Variants in MTF1 observed in about 807,000 individuals in gnomAD.
The protein encoded by MTF1 is metal regulatory transcription factor 1.
In MTF1, 22 loss-of-function variants were observed where a neutral mutation model predicts 70.4. The ratio of observed to expected loss-of-function variants is 0.31; its 90% CI spans 0.22 to 0.45. The LOEUF (loss-of-function observed/expected upper bound fraction) is 0.45. MTF1 is among the 20% of genes least tolerant of loss of function. The pLI, the probability that MTF1 is intolerant of heterozygous loss-of-function variation, is 1.00. For missense variants in MTF1, 649 were observed against 922.0 expected (o/e 0.70, Z 3.83); for synonymous variants, 333 against 352.8 (o/e 0.94, Z 0.63).
intron 7 of MTF1, chr1:37,828,215 G>C: frequency 2.5e-6 from 1 of 401,612 alleles, no homozygotes; most frequent in Non-Finnish European, 4.9e-6. Context: ...GTTGTTGTAA[G>C]TCAGAATAGT....
intron 2 of MTF1, among the ~76,000 whole-genome samples, chr1:37,845,764 C>A (rs1426345239): frequency 1.3e-5 from 2 of 152,096 alleles, no homozygotes; most frequent in African/African-American, 2.4e-5. Context: ...CCTCAGCCTC[C>A]CAGAGTATTG....
intron 9 of MTF1, among the ~76,000 whole-genome samples, chr1:37,821,285 C>T (rs1424685685): frequency 6.6e-6 from 1 of 151,748 alleles, no homozygotes. Context: ...AAATAATGTA[C>T]GTAGGTAATA....
At chr1:37,854,877 T>C (rs538308835) in intron 2 of MTF1, among the ~76,000 whole-genome samples, 15 of 152,180 alleles carry the variant, frequency 9.9e-5, no homozygotes, top group African/African-American at 3.4e-4. Context: ...CTGACCAACA[T>C]GGAGAAACCC....
chr1:37,854,361 A>G (rs1365888310), intron 2 of MTF1, among the ~76,000 whole-genome samples: 1 of 152,284 alleles, frequency 6.6e-6, no homozygotes, highest in East Asian at 1.9e-4. Flanking sequence ...CATTTTTGTT[A>G]GATCTGACAG....
chr1:37,845,961 T>C (rs910042340), intron 2 of MTF1, among the ~76,000 whole-genome samples: 2 of 152,104 alleles, frequency 1.3e-5, no homozygotes, highest in Non-Finnish European at 2.9e-5. Flanking sequence ...CATTTTAAAA[T>C]AGCACAAAAT....
chr1:37,835,825 G>A (rs191498481), intron 4 of MTF1, 81 bp from the exon 5 acceptor site: 6 of 1,196,332 alleles, frequency 5.0e-6, no homozygotes, highest in East Asian at 2.4e-5. Flanking sequence ...TTTTGAGATC[G>A]AGTCTCGCTC....
At position 37,828,956 on chromosome 1, in the gene MTF1, A is replaced by G. The variant is rs75568693; in HGVS notation, c.1068+3289T>C. ...GGAGCTGAGCAGCCAAAAGGCTTCG[A>G]GAAGGCCATTCCCTAGCACCTTCAA... On this transcript the variant is annotated intron_variant, in intron 7 of 10. Coordinates refer to ENST00000373036, the MANE Select transcript of MTF1 (RefSeq NM_005955.3). Among the ~76,000 whole-genome samples, 98 of 152,284 alleles carry G rather than the reference A, an allele frequency of 6.4e-4. No homozygotes were observed. The East Asian group carries it at 0.016, about 26-fold the overall frequency.
rs78623107 is a variant in MTF1, at chr1:37,815,722, A to G, written c.1832-156T>C. Among the ~76,000 whole-genome samples, 1,526 of 152,162 alleles carry G rather than the reference A, an allele frequency of 0.01. 29 individuals are homozygous for G. The highest frequency in any genetic ancestry group is 0.035 in the African/African-American group (1,449 of 41,490). On this transcript the variant is annotated intron_variant, in intron 10 of 10. Coordinates refer to ENST00000373036, the MANE Select transcript of MTF1 (RefSeq NM_005955.3). The surrounding 1 kb of genome is among the most constrained non-coding windows in gnomAD (Gnocchi z 4.5). ...GCTTCGTTCTGCTTTAAATTGGACC[A>G]CATGCCCTCTGAGGTAAAAGAGGGA...
At chr1:37,820,874 AAAC>A (rs1191066064) in intron 9 of MTF1, among the ~76,000 whole-genome samples, 3 of 152,130 alleles carry the variant, frequency 2.0e-5, no homozygotes, top group African/African-American at 7.2e-5. Context: ...TAGGGAGAAA[AAAC>A]AATAATAATA....
intron 1 of MTF1, among the ~76,000 whole-genome samples, chr1:37,858,000 G>T (rs994070881): frequency 8.0e-5 from 11 of 137,388 alleles, no homozygotes; most frequent in African/African-American, 2.9e-4. Context: ...AACATAGTGA[G>T]ACCCCCATCT....
chr1:37,835,639 G>A (rs1407422059), intron 5 of MTF1, 32 bp downstream of exon 5: 2 of 1,555,274 alleles, frequency 1.3e-6, no homozygotes, highest in East Asian at 2.2e-5. Context: ...ATAGTTACAG[G>A]CTTGATGAAA....
At chr1:37,854,780 C>A (rs548956375) in intron 2 of MTF1, among the ~76,000 whole-genome samples, 1 of 152,306 alleles carries the variant, frequency 6.6e-6, no homozygotes, top group East Asian at 1.9e-4. Context: ...GACTCTGGGG[C>A]CGGGCGCGGT....
At chr1:37,857,175 G>T (rs1353483074) in intron 2 of MTF1, 76 bp downstream of exon 2, 8 of 1,461,430 alleles carry the variant, frequency 5.5e-6, no homozygotes, top group South Asian at 1.3e-5. Flanking sequence ...TTACTCCCCA[G>T]CTAAAATTTG....
chr1:37,855,604 A>G (rs1437621023), intron 2 of MTF1, among the ~76,000 whole-genome samples: 3 of 152,186 alleles, frequency 2.0e-5, no homozygotes, highest in African/African-American at 7.2e-5. Flanking sequence ...GTTTGGTAAC[A>G]TCTTAGTCCT....
At chr1:37,822,070 C>T in intron 9 of MTF1, 51 bp downstream of exon 9, 2 of 1,403,284 alleles carry the variant, frequency 1.4e-6, no homozygotes, top group Admixed American at 4.5e-5. Flanking sequence ...GAACATGTCA[C>T]CTATGTAAAT....
intron 7 of MTF1, among the ~76,000 whole-genome samples, chr1:37,827,855 C>G (rs1641028133): frequency 6.6e-6 from 1 of 152,080 alleles, no homozygotes; most frequent in Non-Finnish European, 1.5e-5. Context: ...TTTGACCAAC[C>G]TAATACCTCA....
Position 37,814,918 on chromosome 1 carries a change from GCTT to G in MTF1, c.*215_*217del. 1 of 545,194 alleles carries G rather than the reference GCTT, an allele frequency of 1.8e-6. No homozygotes were observed. The highest frequency in any genetic ancestry group is 3.2e-6 in the Non-Finnish European group (1 of 309,064). 33.8% of individuals were successfully genotyped at this position (545,194 alleles called of 1,614,324 possible). A position where few individuals can be genotyped will look rare whatever the true frequency, so the allele number is the denominator to read the frequency against. On this transcript the variant is annotated 3_prime_UTR_variant, in exon 11 of 11. Transcript: ENST00000373036. ...AGCCAAACAGTTCACTTATAACTTAGCTTTTTTTGTTGTTTTTTTTGTTTTTTG... is the reference window on the plus strand; with the variant it reads ...AGCCAAACAGTTCACTTATAACTTAGTTTTTGTTGTTTTTTTTGTTTTTTG...
At chr1:37,851,255 G>C (rs1397099961) in intron 2 of MTF1, among the ~76,000 whole-genome samples, 2 of 152,164 alleles carry the variant, frequency 1.3e-5, no homozygotes, top group African/African-American at 4.8e-5. Flanking sequence ...AGGTCTCATG[G>C]ATAGCATGGA....
intron 2 of MTF1, among the ~76,000 whole-genome samples, chr1:37,854,926 G>T (rs1641468555): frequency 6.6e-6 from 1 of 152,190 alleles, no homozygotes; most frequent in South Asian, 2.1e-4. Flanking sequence ...GGGTGTGGTA[G>T]CGCATGCCTG....
Sources: gnomAD v4.1 joint callset for allele counts (sites outside exome capture counted in the v4.1 genomes callset) on GRCh38, gnomAD v4.1.1 for gene constraint, Gnocchi (gnomAD v3.1) non-coding constraint, MANE v1.5 for transcripts, NCBI Gene and HGNC (gene_info 2026-07-23, HGNC 2026-07-21) for gene names.